The following CTNNA3 variants were observed in gnomAD, a reference collection of about 807,000 sequenced individuals.
CTNNA3 encodes the protein catenin alpha 3.
In CTNNA3, 76 loss-of-function variants were observed where a neutral mutation model predicts 95.7. That is an observed-to-expected ratio of 0.79 (90% CI 0.66 to 0.96). The LOEUF is 0.96. Ranked by LOEUF, CTNNA3 falls within the 40% of genes least tolerant of loss-of-function variation. CTNNA3 has a pLI of 0.00. For missense variants in CTNNA3, 1,191 were observed against 1,089.8 expected, an observed-to-expected ratio of 1.09 and a Z score of -1.31; for synonymous variants, 431 against 374.4, an observed-to-expected ratio of 1.15 and a Z score of -1.74.
At chr10:66,086,007 G>C (rs2080968668) in intron 14 of CTNNA3, among the ~76,000 whole-genome samples, 1 of 152,120 alleles carries the variant, frequency 6.6e-6, no homozygotes, top group African/African-American at 2.4e-5. Context: ...GTTTGTACAA[G>C]CTAAATCCAT....
intron 3 of CTNNA3, among the ~76,000 whole-genome samples, chr10:67,545,189 A>G (rs1490017462): frequency 2.0e-5 from 3 of 152,210 alleles, no homozygotes; most frequent in African/African-American, 7.2e-5. Flanking sequence ...ATAAAACATA[A>G]AATTTGATGG....
intron 9 of CTNNA3, among the ~76,000 whole-genome samples, chr10:66,624,027 T>C (rs924529227): frequency 3.3e-5 from 5 of 152,082 alleles, no homozygotes; most frequent in African/African-American, 2.4e-5. Flanking sequence ...TCTGTAAAAA[T>C]AGTTTTAGAT....
chr10:66,279,161 G>C (rs762717503), intron 13 of CTNNA3, among the ~76,000 whole-genome samples: 1 of 151,972 alleles, frequency 6.6e-6, no homozygotes, highest in Non-Finnish European at 1.5e-5. Flanking sequence ...ACAGCATCCT[G>C]CTGCCCTGCC....
At chr10:66,140,494 A>G (rs892697212) in intron 13 of CTNNA3, among the ~76,000 whole-genome samples, 1 of 152,134 alleles carries the variant, frequency 6.6e-6, no homozygotes, top group Non-Finnish European at 1.5e-5. Flanking sequence ...CTATGTTACG[A>G]TTTCTCTAAT....
intron 7 of CTNNA3, among the ~76,000 whole-genome samples, chr10:67,072,570 C>A (rs1167951742): frequency 6.6e-6 from 1 of 152,128 alleles, no homozygotes; most frequent in Non-Finnish European, 1.5e-5. Context: ...TCAAGCCAAC[C>A]AAGGACTCAG....
chr10:67,137,878 T>C (rs552215322), intron 7 of CTNNA3, among the ~76,000 whole-genome samples: 8 of 152,014 alleles, frequency 5.3e-5, no homozygotes, highest in South Asian at 2.1e-4. Flanking sequence ...CATCACTAGA[T>C]TGTAGATAAT....
chr10:67,258,390 C>T (rs1163661953), intron 5 of CTNNA3, among the ~76,000 whole-genome samples: 4 of 152,230 alleles, frequency 2.6e-5, no homozygotes, highest in Middle Eastern at 3.4e-3. Flanking sequence ...GTAATCCACT[C>T]GCCATGACCT....
At chr10:67,493,561 C>CAAAAAAAAAAAA (rs61570165) in intron 5 of CTNNA3, among the ~76,000 whole-genome samples, 2,426 of 93,508 alleles carry the variant, frequency 0.026, 44 homozygotes, top group South Asian at 0.051. Context: ...GACTCTGTCT[C>CAAAAAAAAAAAA]AAAAAAAAAA....
chr10:66,972,766 A>C (rs1185016142), intron 7 of CTNNA3, among the ~76,000 whole-genome samples: 1 of 142,748 alleles, frequency 7.0e-6, no homozygotes, highest in Non-Finnish European at 1.5e-5. Context: ...GCTGGAGTGC[A>C]ATGGTGCAAT....
At chr10:67,558,708 G>A (rs1260723635) in intron 3 of CTNNA3, among the ~76,000 whole-genome samples, 1 of 152,266 alleles carries the variant, frequency 6.6e-6, no homozygotes, top group African/African-American at 2.4e-5. Context: ...AGAAGCGCAA[G>A]GGGTCAGGGA....
At chr10:67,328,448 C>T (rs1163863711) in intron 5 of CTNNA3, among the ~76,000 whole-genome samples, 1 of 152,234 alleles carries the variant, frequency 6.6e-6, no homozygotes, top group Non-Finnish European at 1.5e-5. Flanking sequence ...TAGTCCTGCA[C>T]CAAACTCTTC....
At chr10:67,061,713 G>A (rs571030729) in intron 7 of CTNNA3, among the ~76,000 whole-genome samples, 50 of 152,324 alleles carry the variant, frequency 3.3e-4, no homozygotes, top group African/African-American at 1.2e-3. Flanking sequence ...TATTTCAGCA[G>A]TTGTGTGCAT....
At chr10:66,019,816 T>A (rs987105598) in intron 15 of CTNNA3, among the ~76,000 whole-genome samples, 1 of 152,206 alleles carries the variant, frequency 6.6e-6, no homozygotes, top group Admixed American at 6.5e-5. Context: ...GTAGGAATGT[T>A]AACTTTTTTT....
intron 5 of CTNNA3, among the ~76,000 whole-genome samples, chr10:67,503,199 C>T (rs918718741): frequency 5.9e-5 from 9 of 152,228 alleles, no homozygotes; most frequent in African/African-American, 1.4e-4. Context: ...CAGTCCCTCA[C>T]GGCTTCCCTT....
At chr10:67,341,310 CA>C (rs1411370636) in intron 5 of CTNNA3, among the ~76,000 whole-genome samples, 2 of 151,868 alleles carry the variant, frequency 1.3e-5, no homozygotes, top group African/African-American at 4.8e-5. Flanking sequence ...TTTTTGTACC[CA>C]TTTACCATTT....
chr10:66,225,982 A>T (rs939768875), intron 13 of CTNNA3, among the ~76,000 whole-genome samples: 3 of 152,094 alleles, frequency 2.0e-5, no homozygotes, highest in African/African-American at 4.8e-5. Context: ...TCAAATGAGT[A>T]GTATGCAAAT....
At chr10:67,341,772 C>T (rs1470635873) in intron 5 of CTNNA3, among the ~76,000 whole-genome samples, 2 of 152,070 alleles carry the variant, frequency 1.3e-5, no homozygotes, top group Non-Finnish European at 2.9e-5. Flanking sequence ...AACCTCAAAA[C>T]TGTTCTCTAT....
chr10:67,657,644 G>C (rs985236439), intron 1 of CTNNA3, among the ~76,000 whole-genome samples: 2 of 151,890 alleles, frequency 1.3e-5, no homozygotes, highest in South Asian at 2.1e-4. Context: ...TCAGGAGTTC[G>C]AGACCAGCCT....
At chr10:66,791,374 G>A (rs1370904796) in intron 7 of CTNNA3, among the ~76,000 whole-genome samples, 3 of 152,124 alleles carry the variant, frequency 2.0e-5, no homozygotes, top group Non-Finnish European at 2.9e-5. Flanking sequence ...AGTTAAACAT[G>A]TCATTCCCTT....
Sources: gnomAD v4.1 joint callset for allele counts (sites outside exome capture counted in the v4.1 genomes callset) on GRCh38, gnomAD v4.1.1 for gene constraint, MANE v1.5 for transcripts, NCBI Gene and HGNC (gene_info 2026-07-23, HGNC 2026-07-21) for gene names.